The following ANKMY1 variants were observed in gnomAD, a reference collection of about 807,000 sequenced individuals.
The protein encoded by ANKMY1 is ankyrin repeat and MYND domain-containing protein 1.
A neutral mutation model predicts 102.0 loss-of-function variants in ANKMY1; 98 were observed. The observed-to-expected ratio is 0.96, with a 90% CI of 0.82 to 1.14. The LOEUF is 1.14. Ranked by LOEUF, ANKMY1 falls within the 50% of genes most tolerant of loss-of-function variation. ANKMY1 has a pLI of 0.00. For synonymous variants in ANKMY1, 582 were observed against 559.9 expected (o/e 1.04, Z -0.56); for missense variants, 1,330 against 1,347.6 (o/e 0.99, Z 0.20).
chr2:240,492,039 C>A (rs1250300473), intron 15 of ANKMY1, among the ~76,000 whole-genome samples: 1 of 151,968 alleles, frequency 6.6e-6, no homozygotes, highest in East Asian at 1.9e-4. Flanking sequence ...GAGATAGGGT[C>A]TTGCTCTGTC....
Position 240,499,962 on chromosome 2 carries a change from C to T in ANKMY1, c.2802G>A (p.Lys934=), listed in dbSNP as rs1559257868. 2 of 1,612,114 alleles carry T rather than the reference C, an allele frequency of 1.2e-6. No individual in the cohort carries two copies. Among genetic ancestry groups the T allele is most frequent in the Non-Finnish European group, 1.7e-6 (2 of 1,179,332 alleles). The change falls in exon 15 of 18, where the codon AAG becomes AAA. Residue 934 remains lysine, a synonymous_variant. Coordinates refer to ENST00000401804, the MANE Select transcript of ANKMY1 (RefSeq NM_001282771.3). The surrounding 1 kb of genome is among the most constrained non-coding windows in gnomAD (Gnocchi z 4.2). ...QWDPTWLYLC[K]RAELIPSHRM... is the part of the protein sequence containing the mutation. The stretch of plus-strand genomic sequence containing the variant: ...AGAGCAGGGCCCACTGCTCACCTCT[C>T]TTGCACAGGTACAGCCACGTGGGGT...
chr2:240,500,254 A>C, intron 14 of ANKMY1, 131 bp from the exon 15 acceptor site: 2 of 1,265,166 alleles, frequency 1.6e-6, no homozygotes, highest in Non-Finnish European at 2.1e-6. Context: ...CAGACACACA[A>C]AGCTGGGAGC....
At chr2:240,480,402 C>T (rs1007089249) in intron 17 of ANKMY1, among the ~76,000 whole-genome samples, 3 of 152,218 alleles carry the variant, frequency 2.0e-5, no homozygotes, top group Non-Finnish European at 4.4e-5. Flanking sequence ...GGCACCGGGC[C>T]CTGTTCACAC....
At chr2:240,480,832 G>T in intron 17 of ANKMY1, 105 bp downstream of exon 17, 7 of 1,431,366 alleles carry the variant, frequency 4.9e-6, no homozygotes, top group Non-Finnish European at 6.5e-6. Flanking sequence ...CCTGAATCTG[G>T]AGAGATTTTG....
chr2:240,555,811 G>A (rs2092282987), intron 2 of ANKMY1, among the ~76,000 whole-genome samples: 1 of 151,962 alleles, frequency 6.6e-6, no homozygotes, highest in Non-Finnish European at 1.5e-5. Context: ...GACCCCTACA[G>A]AAGGACAGGG....
At chr2:240,532,677 A>G (rs1007679304) in intron 4 of ANKMY1, among the ~76,000 whole-genome samples, 1 of 152,228 alleles carries the variant, frequency 6.6e-6, no homozygotes, top group Non-Finnish European at 1.5e-5. Context: ...ACATGTATAC[A>G]CTTGATGAGT....
Position 240,529,245 on chromosome 2 carries a change from G to A in ANKMY1, c.745C>T (p.Leu249=). The part of the protein sequence containing the change: ...PFFYDYKRFL[L]NDNLTLPPEM... ...GGAGGCAGCGTTAGGTTGTCATTCA[G>A]AAGAAACCGCTTATAGTCATAGAAA... The change falls in exon 5 of 18, where the codon CTG becomes TTG. Residue 249 remains leucine, a synonymous_variant. Transcript: ENST00000401804. The surrounding 1 kb of genome is among the most constrained non-coding windows in gnomAD (Gnocchi z 4.2). 1 of 1,614,188 alleles carries A rather than the reference G, an allele frequency of 6.2e-7. No homozygotes were observed. The highest frequency in any genetic ancestry group is 1.3e-5 in the African/African-American group (1 of 75,044).
At chr2:240,475,182 G>A (rs1436644287), downstream of ANKMY1, among the ~76,000 whole-genome samples, 1 of 152,132 alleles carries the variant, frequency 6.6e-6, no homozygotes, top group African/African-American at 2.4e-5. Context: ...GTGATATTAA[G>A]CTTTTTTCAT....
intron 17 of ANKMY1, 35 bp from the exon 18 acceptor site, chr2:240,479,690 G>T (rs1367735942): frequency 6.2e-7 from 1 of 1,605,588 alleles, no homozygotes; most frequent in East Asian, 2.2e-5. Context: ...AGGGGGAAGA[G>T]GGGGCTGGAG....
intron 15 of ANKMY1, among the ~76,000 whole-genome samples, chr2:240,484,439 C>T (rs1255406340): frequency 6.6e-6 from 1 of 152,200 alleles, no homozygotes; most frequent in African/African-American, 2.4e-5. Flanking sequence ...CTGACAAAAA[C>T]AAGCAATGGG....
At chr2:240,560,734 C>A, upstream of ANKMY1, 1 of 1,520,328 alleles carries the variant, frequency 6.6e-7, no homozygotes, top group Non-Finnish European at 8.7e-7. Context: ...CCCGTACCTC[C>A]ACCGTTGGTG....
intron 4 of ANKMY1, among the ~76,000 whole-genome samples, chr2:240,544,334 G>A (rs2089774180): frequency 1.3e-5 from 2 of 152,234 alleles, no homozygotes; most frequent in Non-Finnish European, 2.9e-5. Flanking sequence ...TAAAGCATAT[G>A]TAATTTTTTC....
chr2:240,507,559 C>G lies in ANKMY1; in HGVS notation c.2526+1G>C. ...GGCCACCCCAGCCTCCTGCCCCTCA[C>G]CAGGGCCAGCTTGCTGTCCATGTTC... is the stretch of plus-strand genomic sequence containing the variant. On this transcript the variant is annotated splice_donor_variant, in intron 13 of 17. Coordinates refer to ENST00000401804, the MANE Select transcript of ANKMY1 (RefSeq NM_001282771.3). LOFTEE classifies it high-confidence loss of function. 1.2e-6 allele frequency: 2 copies of G among 1,605,786 alleles called. No individual in the cohort carries two copies. The highest frequency in any genetic ancestry group is 1.7e-6 in the Non-Finnish European group (2 of 1,176,080).
intron 17 of ANKMY1, 63 bp downstream of exon 17, chr2:240,480,874 G>GGCCTGC: frequency 6.4e-7 from 1 of 1,564,732 alleles, no homozygotes; most frequent in Admixed American, 1.7e-5. Flanking sequence ...CAGCACCCCA[G>GGCCTGC]GCCTGCGCCT....
chr2:240,556,932 C>A (rs568083808), intron 2 of ANKMY1, among the ~76,000 whole-genome samples: 5 of 152,266 alleles, frequency 3.3e-5, no homozygotes, highest in South Asian at 4.2e-4. Flanking sequence ...GGGAAACGTT[C>A]CCTCCCTCCA....
At chr2:240,527,640 G>GTT (rs2152404218) in intron 5 of ANKMY1, 1 of 151,034 alleles carries the variant, frequency 6.6e-6, no homozygotes, top group South Asian at 2.1e-4. Context: ...ACTGATGAAT[G>GTT]ACTGGACGGG....
the ANKMY1 span, among the ~76,000 whole-genome samples, chr2:240,474,310 T>C: frequency 1.4e-3 from 211 of 148,724 alleles, 6 homozygotes; most frequent in East Asian, 0.03. Context: ...GGTTTCACTG[T>C]GTTAGCCAGG....
chr2:240,470,901 T>G, the ANKMY1 span, among the ~76,000 whole-genome samples: 2 of 152,090 alleles, frequency 1.3e-5, no homozygotes, highest in Non-Finnish European at 2.9e-5. Context: ...AGTGAGAGGC[T>G]TCAATGAATG....
chr2:240,511,013 C>T (rs6712543), intron 11 of ANKMY1, among the ~76,000 whole-genome samples: 22,428 of 151,798 alleles, frequency 0.15, 2,142 homozygotes, highest in African/African-American at 0.25. Flanking sequence ...CAGGGCAGAG[C>T]GCCTGGCCCC....
Sources: gnomAD v4.1 joint callset for allele counts (sites outside exome capture counted in the v4.1 genomes callset) on GRCh38, gnomAD v4.1.1 for gene constraint, Gnocchi (gnomAD v3.1) non-coding constraint, MANE v1.5 for transcripts, NCBI Gene and HGNC (gene_info 2026-07-23, HGNC 2026-07-21) for gene names.